Variants in BAZ2B observed in about 807,000 individuals in gnomAD.
BAZ2B encodes the protein bromodomain adjacent to zinc finger domain 2B, also known as bromodomain adjacent to zinc finger domain protein 2B.
Under a neutral mutation model 246.0 loss-of-function variants are expected in BAZ2B, and 91 were observed. That is an observed-to-expected ratio of 0.37 (90% CI 0.31 to 0.44). BAZ2B has a LOEUF of 0.44. BAZ2B is among the 20% of genes least tolerant of loss of function. The probability of loss-of-function intolerance (pLI) is 1.00; values close to 1 mark genes in which losing one functional copy is unlikely to be tolerated. For synonymous variants in BAZ2B, 855 were observed against 860.0 expected (o/e 0.99, Z 0.10); for missense variants, 2,332 against 2,533.7 (o/e 0.92, Z 1.71).
chr2:159,446,243 G>A (rs962058134), intron 6 of BAZ2B, among the ~76,000 whole-genome samples: 4 of 152,304 alleles, frequency 2.6e-5, no homozygotes, highest in Admixed American at 2.0e-4. Flanking sequence ...AAGAGTGATT[G>A]AGAGCTGAGA....
intron 1 of BAZ2B, among the ~76,000 whole-genome samples, chr2:159,613,767 A>G (rs893410903): frequency 1.3e-5 from 2 of 152,176 alleles, no homozygotes; most frequent in Non-Finnish European, 2.9e-5. Flanking sequence ...CATCTGTTCT[A>G]TGTGCTTTTA....
intron 27 of BAZ2B, among the ~76,000 whole-genome samples, chr2:159,354,211 A>G (rs2058843903): frequency 2.6e-5 from 4 of 152,136 alleles, no homozygotes; most frequent in Admixed American, 2.6e-4. Flanking sequence ...TAAGAAACAC[A>G]CCTATTTTTA....
At chr2:159,452,476 T>C (rs2075221914) in intron 4 of BAZ2B, among the ~76,000 whole-genome samples, 1 of 152,212 alleles carries the variant, frequency 6.6e-6, no homozygotes, top group Non-Finnish European at 1.5e-5. Flanking sequence ...GGTCAGATAA[T>C]TTGTTCAAGG....
At chr2:159,400,841 C>T (rs976113974) in intron 16 of BAZ2B, among the ~76,000 whole-genome samples, 177 bp from the exon 17 acceptor site, 1 of 152,044 alleles carries the variant, frequency 6.6e-6, no homozygotes, top group Non-Finnish European at 1.5e-5. Flanking sequence ...GAGATCGAGA[C>T]CATCCTGGCT....
Position 159,374,772 on chromosome 2 carries a change from A to C in BAZ2B, c.4006-19T>G, listed in dbSNP as rs751605104. The C allele has an allele frequency of 6.3e-7, 1 of 1,598,032 alleles. No individual in the cohort carries two copies. Among genetic ancestry groups the C allele is most frequent in the South Asian group, 1.1e-5 (1 of 90,702 alleles). ...CTTCATCCTATACATAAGAAAATAC[A>C]GTGTCATTTATCTGTTTTAAGATTT... On this transcript the variant is annotated intron_variant, in intron 25 of 36. Transcript: ENST00000392783.
the BAZ2B span, among the ~76,000 whole-genome samples, chr2:159,695,617 C>A: frequency 1.3e-5 from 2 of 152,114 alleles, no homozygotes; most frequent in Non-Finnish European, 2.9e-5. Context: ...TTTATCCCAG[C>A]ATCATTTGTT....
chr2:159,621,579 A>G, the BAZ2B span, among the ~76,000 whole-genome samples: 28 of 152,352 alleles, frequency 1.8e-4, no homozygotes, highest in East Asian at 5.2e-3. Flanking sequence ...CCAATAAAAC[A>G]TAATAGGAAA....
intron 2 of BAZ2B, among the ~76,000 whole-genome samples, chr2:159,512,894 G>A (rs2083072974): frequency 6.6e-6 from 1 of 152,116 alleles, no homozygotes; most frequent in Non-Finnish European, 1.5e-5. Context: ...TTACACTACA[G>A]AATGATAACT....
At chr2:159,671,163 T>C in the BAZ2B span, among the ~76,000 whole-genome samples, 73 of 152,274 alleles carry the variant, frequency 4.8e-4, no homozygotes, top group African/African-American at 1.7e-3. Flanking sequence ...TTTTGTCAGG[T>C]CAAATACATT....
At chr2:159,570,302 A>G (rs1486967119) in intron 1 of BAZ2B, among the ~76,000 whole-genome samples, 5 of 151,532 alleles carry the variant, frequency 3.3e-5, no homozygotes, top group African/African-American at 1.2e-4. Context: ...CTCTTGCCTC[A>G]GCCTCCCGAG....
chr2:159,699,968 CATGACAG>C, the BAZ2B span, among the ~76,000 whole-genome samples: 2 of 152,150 alleles, frequency 1.3e-5, no homozygotes, highest in Non-Finnish European at 1.5e-5. Context: ...TGTCTCTTAA[CATGACAG>C]AAAAGAAGAC....
intron 1 of BAZ2B, among the ~76,000 whole-genome samples, chr2:159,571,810 T>C (rs1684078827): frequency 1.3e-5 from 2 of 152,252 alleles, no homozygotes; most frequent in South Asian, 4.1e-4. Context: ...GTGCCCGAGA[T>C]AAAGAGAGGA....
intron 2 of BAZ2B, among the ~76,000 whole-genome samples, chr2:159,484,430 T>C (rs2079590063): frequency 2.0e-5 from 3 of 152,204 alleles, no homozygotes; most frequent in Non-Finnish European, 4.4e-5. Flanking sequence ...ATGTATCACA[T>C]GTAATTAACA....
At chr2:159,509,202 C>T (rs1157896381) in intron 2 of BAZ2B, among the ~76,000 whole-genome samples, 1 of 152,036 alleles carries the variant, frequency 6.6e-6, no homozygotes, top group Non-Finnish European at 1.5e-5. Flanking sequence ...ATTGGAAACA[C>T]TTTCCAGTCA....
chr2:159,554,805 A>AT (rs1442233997), intron 2 of BAZ2B, among the ~76,000 whole-genome samples: 3 of 152,134 alleles, frequency 2.0e-5, no homozygotes, highest in Non-Finnish European at 2.9e-5. Flanking sequence ...TGTAATTCAG[A>AT]TTTTATCACT....
At chr2:159,437,857 C>T in intron 8 of BAZ2B, 1 of 156,146 alleles carries the variant, frequency 6.4e-6, no homozygotes. Flanking sequence ...GTGGAGGTTG[C>T]AGTGAGCTGA....
At chr2:159,317,570 G>A (rs149755525), downstream of BAZ2B, among the ~76,000 whole-genome samples, 125 of 152,228 alleles carry the variant, frequency 8.2e-4, no homozygotes, top group African/African-American at 2.8e-3. Context: ...GGATTGTTTG[G>A]TTATCCTTGG....
At chr2:159,344,289 G>C (rs2067335796) in intron 31 of BAZ2B, among the ~76,000 whole-genome samples, 1 of 152,082 alleles carries the variant, frequency 6.6e-6, no homozygotes, top group East Asian at 1.9e-4. Flanking sequence ...TGTAATCCCA[G>C]CACTTTGGGA....
rs201514016 is a variant in BAZ2B, at chr2:159,432,885, A to C, written c.1772T>G (p.Phe591Cys). 34 of 1,613,964 alleles carry C rather than the reference A, an allele frequency of 2.1e-5. No homozygotes were observed. The highest frequency in any genetic ancestry group is 2.6e-5 in the Non-Finnish European group (31 of 1,180,022). Reference sequence around the variant, plus strand: ...GGGAATGTCTGAATCTGTTCCTCTGAATTGTTCCACTAAAGATTTTGCAGG... The same window carrying C: ...GGGAATGTCTGAATCTGTTCCTCTGCATTGTTCCACTAAAGATTTTGCAGG... Reference protein sequence around the residue: ...SHPAKSLVEQFRGTDSDIPSS... With the variant: ...SHPAKSLVEQCRGTDSDIPSS... Residue 591 changes from phenylalanine (F) to cysteine (C), a missense_variant, in exon 9 of 37, where the codon TTC becomes TGC. Physicochemically the swap from Phe to Cys is radical, Grantham distance 205. This residue lies in a region of BAZ2B where 651 missense variants were observed against 650.9 expected (regional missense o/e 1.00). Transcript: ENST00000392783.
Sources: allele counts gnomAD v4.1 joint callset (sites outside exome capture counted in the v4.1 genomes callset), GRCh38; gene constraint gnomAD v4.1.1; regional missense constraint gnomAD v4.1.1; transcripts MANE v1.5; gene names NCBI Gene and HGNC (gene_info 2026-07-23, HGNC 2026-07-21).